Variants in DLGAP2 observed in about 807,000 individuals in gnomAD.
DLGAP2 encodes disks large-associated protein 2.
DLGAP2 carries 26 observed loss-of-function variants against 100.3 expected under a neutral mutation model. The ratio of observed to expected loss-of-function variants is 0.26; its 90% CI spans 0.19 to 0.36. The LOEUF (loss-of-function observed/expected upper bound fraction) is 0.36, where lower values mean the gene tolerates loss of function less well. Among genes scored for constraint, DLGAP2 ranks in the 10% least tolerant of loss-of-function variants. The pLI is 1.00. For synonymous variants in DLGAP2, 886 were observed against 630.1 expected (o/e 1.41, Z -6.08); for missense variants, 1,858 against 1,453.2 (o/e 1.28, Z -4.53).
At chr8:1,213,862 A>G (rs1798157880) in intron 2 of DLGAP2, among the ~76,000 whole-genome samples, 1 of 152,144 alleles carries the variant, frequency 6.6e-6, no homozygotes, top group African/African-American at 2.4e-5. Flanking sequence ...CTAGAAGATG[A>G]GCACATGGCA....
At chr8:1,270,684 T>G (rs1799563743) in intron 3 of DLGAP2, among the ~76,000 whole-genome samples, 1 of 142,080 alleles carries the variant, frequency 7.0e-6, no homozygotes, top group South Asian at 2.5e-4. Context: ...GTCTCTCTAT[T>G]TATGTCTCTG....
rs538950568 is a variant in DLGAP2 at position 941,002 on chromosome 8, A to C, written c.73+33036A>C. 3.0e-4 allele frequency among the ~76,000 whole-genome samples: 45 copies of C among 152,290 alleles called. 1 individual carries two copies. The South Asian group carries it at 8.7e-3, about 29-fold the overall frequency. The stretch of plus-strand genomic sequence containing the variant: ...TTCAGGGATGCCCCCACCCATCTAC[A>C]GGTTTTGCAGGAATCACACATAGTT... On this transcript the variant is annotated intron_variant, in intron 2 of 14. Transcript: ENST00000637795.
At chr8:858,996 T>G (rs1797338301) in intron 1 of DLGAP2, among the ~76,000 whole-genome samples, 1 of 152,246 alleles carries the variant, frequency 6.6e-6, no homozygotes, top group African/African-American at 2.4e-5. Flanking sequence ...TCTGTGAACT[T>G]TGTGCTCAAC....
At chr8:852,483 T>A (rs566231399) in intron 1 of DLGAP2, among the ~76,000 whole-genome samples, 1 of 152,252 alleles carries the variant, frequency 6.6e-6, no homozygotes, top group Non-Finnish European at 1.5e-5. Flanking sequence ...TAAATTGTAA[T>A]GAATTATTAG....
chr8:1,560,270 T>C (rs1020878955), intron 5 of DLGAP2, among the ~76,000 whole-genome samples: 3 of 152,178 alleles, frequency 2.0e-5, no homozygotes, highest in Admixed American at 6.5e-5. Context: ...AAAAATTGCT[T>C]TTCCCCCTCA....
intron 2 of DLGAP2, among the ~76,000 whole-genome samples, chr8:924,650 T>C (rs969293537): frequency 2.6e-5 from 4 of 151,946 alleles, no homozygotes; most frequent in African/African-American, 9.7e-5. Flanking sequence ...TGGCGCGATC[T>C]CTGGTCACTG....
intron 2 of DLGAP2, among the ~76,000 whole-genome samples, chr8:1,254,887 G>GGC (rs1799137325): frequency 6.6e-6 from 1 of 150,898 alleles, no homozygotes; most frequent in Admixed American, 6.6e-5. Flanking sequence ...TCTCCTGCCC[G>GGC]CGTGCTGTGT....
intron 6 of DLGAP2, among the ~76,000 whole-genome samples, chr8:1,589,575 C>T (rs540349278): frequency 1.5e-4 from 23 of 152,338 alleles, no homozygotes; most frequent in African/African-American, 5.3e-4. Context: ...TCTGGGACTA[C>T]AGGCTTGCGC....
chr8:887,567 G>A (rs989431669), intron 1 of DLGAP2, among the ~76,000 whole-genome samples: 1 of 152,120 alleles, frequency 6.6e-6, no homozygotes, highest in Non-Finnish European at 1.5e-5. Flanking sequence ...GGGCAGGCCT[G>A]GTGGTAATGA....
chr8:1,528,901 T>C (rs1334857010), intron 4 of DLGAP2, among the ~76,000 whole-genome samples: 2 of 152,224 alleles, frequency 1.3e-5, no homozygotes, highest in Non-Finnish European at 2.9e-5. Context: ...CAGGAAACAG[T>C]AAAAGCCTTT....
chr8:1,018,131 A>T (rs1305729704), intron 2 of DLGAP2, among the ~76,000 whole-genome samples: 1 of 149,120 alleles, frequency 6.7e-6, no homozygotes, highest in African/African-American at 2.5e-5. Flanking sequence ...CAGGCCCTCC[A>T]TCCTCATGCT....
rs534186223 is a variant in DLGAP2, at chr8:1,113,874, A to T, written c.74-144977A>T. ...TTAATATTTTGAGGTATGTTCCTTC[A>T]ATACCTAGTATATTGAGAATTTTTA... On this transcript the variant is annotated intron_variant, in intron 2 of 14. Transcript: ENST00000637795. 2.0e-5 allele frequency among the ~76,000 whole-genome samples: 3 copies of T among 152,284 alleles called. No individual in the cohort carries two copies. The East Asian group carries it at 5.8e-4, about 29-fold the overall frequency.
chr8:1,615,555 C>G (rs184319441), intron 6 of DLGAP2, among the ~76,000 whole-genome samples: 2 of 151,958 alleles, frequency 1.3e-5, no homozygotes, highest in African/African-American at 2.4e-5. Context: ...TAGAACTCAC[C>G]GGAAAGATCT....
At chr8:843,424 CACTG>C (rs1282902135) in intron 1 of DLGAP2, among the ~76,000 whole-genome samples, 1 of 152,230 alleles carries the variant, frequency 6.6e-6, no homozygotes, top group Non-Finnish European at 1.5e-5. Context: ...CCCCTCTGCA[CACTG>C]ACTGCTGGTG....
chr8:1,549,672 C>G lies in DLGAP2; in HGVS notation c.1219C>G (p.His407Asp). ...CGCCAAGCCCGCCCTGAGGCCGTGC[C>G]ACTACCTCCAGGTAAGCAGGCTCAC... ...QDAKPALRPCHYLQVPQDEWG... is the reference protein window; with the variant it reads ...QDAKPALRPCDYLQVPQDEWG... Residue 407 changes from histidine (H) to aspartate (D), a missense_variant, in exon 5 of 15, where the codon CAC (histidine) becomes GAC (aspartate). Physicochemically the swap from His to Asp is moderately conservative, Grantham distance 81 (BLOSUM62 -1). Transcript: ENST00000637795. 1 of 1,550,008 alleles carries G rather than the reference C, an allele frequency of 6.5e-7. No homozygotes were observed. Among genetic ancestry groups the G allele is most frequent in the South Asian group, 1.2e-5 (1 of 85,462 alleles).
At chr8:830,861 G>C (rs1796768351) in intron 1 of DLGAP2, among the ~76,000 whole-genome samples, 1 of 146,920 alleles carries the variant, frequency 6.8e-6, no homozygotes, top group African/African-American at 2.5e-5. Flanking sequence ...GCCTTTCTTT[G>C]CCAACAAACC....
rs570081275 is a variant in DLGAP2, at chr8:1,107,076, A to G, written c.74-151775A>G. Among the ~76,000 whole-genome samples, 3 of 152,320 alleles carry G rather than the reference A, an allele frequency of 2.0e-5. No individual in the cohort carries two copies. The South Asian group carries it at 6.2e-4, about 32-fold the overall frequency. ...ACAATGCATTTCCCATTCTAACAAA[A>G]TGTGACTTTTGTGTGAGTTGCTCAC... On this transcript the variant is annotated intron_variant, in intron 2 of 14. Transcript: ENST00000637795.
chr8:861,672 C>T (rs769581626), intron 1 of DLGAP2, among the ~76,000 whole-genome samples: 1 of 152,170 alleles, frequency 6.6e-6, no homozygotes, highest in Non-Finnish European at 1.5e-5. Flanking sequence ...CAGGAAATGA[C>T]GAGAAACATA....
At chr8:1,324,121 G>T (rs556778516) in intron 3 of DLGAP2, among the ~76,000 whole-genome samples, 7 of 152,282 alleles carry the variant, frequency 4.6e-5, no homozygotes, top group Admixed American at 2.6e-4. Context: ...GTCCATTGAA[G>T]GGGGAGGAAG....
Sources: gnomAD v4.1 joint callset for allele counts (sites outside exome capture counted in the v4.1 genomes callset) on GRCh38, gnomAD v4.1.1 for gene constraint, MANE v1.5 for transcripts, NCBI Gene and HGNC (gene_info 2026-07-23, HGNC 2026-07-21) for gene names.